The following NIN variants were observed in gnomAD, a reference collection of about 807,000 sequenced individuals.
NIN encodes glycogen synthase kinase 3 beta-interacting protein.
Under a neutral mutation model 257.6 loss-of-function variants are expected in NIN, and 137 were observed. That is an observed-to-expected ratio of 0.53 (90% CI 0.46 to 0.61). The LOEUF is 0.61. Among genes scored for constraint, NIN ranks in the 20% least tolerant of loss-of-function variants. The pLI is 0.00. For missense variants in NIN, 2,439 were observed against 2,501.2 expected, an observed-to-expected ratio of 0.98 and a Z score of 0.53; for synonymous variants, 918 against 919.8, an observed-to-expected ratio of 1.00 and a Z score of 0.04.
At chr14:50,819,590 A>G (rs1238766431) in intron 3 of NIN, among the ~76,000 whole-genome samples, 3 of 151,934 alleles carry the variant, frequency 2.0e-5, no homozygotes, top group African/African-American at 7.3e-5. Context: ...AGTCACTTAA[A>G]CCTCTTTTTC....
At chr14:50,735,702 G>T in intron 27 of NIN, 85 bp from the exon 28 acceptor site, 1 of 1,459,218 alleles carries the variant, frequency 6.9e-7, no homozygotes, top group South Asian at 1.4e-5. Flanking sequence ...ATCTGTGCTT[G>T]TCAGAAATCT....
At chr14:50,730,398 G>A (rs2040632253) in intron 28 of NIN, among the ~76,000 whole-genome samples, 1 of 152,176 alleles carries the variant, frequency 6.6e-6, no homozygotes, top group Non-Finnish European at 1.5e-5. Context: ...AGGAAAGGGA[G>A]GACGATGCAC....
Position 50,743,495 on chromosome 14 carries a change from G to A in NIN, c.5222C>T (p.Ala1741Val), listed in dbSNP as rs762668291. Reference sequence around the variant, plus strand: ...GGATTTCTGTTCCTGCTTCATCGTCGCAATTCTATGCTCTAAAAGACTTGA... The same window carrying A: ...GGATTTCTGTTCCTGCTTCATCGTCACAATTCTATGCTCTAAAAGACTTGA... ...AKSSLLEHRI[A>V]TMKQEQKSWE... The change falls in exon 24 of 31, where the codon GCG becomes GTG. Residue 1741 changes from alanine (A) to valine (V), a missense_variant. This residue lies in a region of NIN where 2,043 missense variants were observed against 2,050.2 expected (regional missense o/e 1.00). Transcript: ENST00000530997. 19 of 1,613,350 alleles carry A rather than the reference G, an allele frequency of 1.2e-5. No individual in the cohort carries two copies. The highest frequency in any genetic ancestry group is 1.7e-4 in the Middle Eastern group (1 of 6,052).
intron 4 of NIN, among the ~76,000 whole-genome samples, chr14:50,800,511 C>T (rs1192842482): frequency 6.6e-6 from 1 of 152,154 alleles, no homozygotes; most frequent in East Asian, 1.9e-4. Context: ...TTTTTCACTA[C>T]TTTAAATGAC....
At chr14:50,826,258 C>G (rs1325826956) in intron 2 of NIN, among the ~76,000 whole-genome samples, 2 of 152,172 alleles carry the variant, frequency 1.3e-5, no homozygotes, top group African/African-American at 4.8e-5. Flanking sequence ...TAAACCTGGG[C>G]CTCTCCTCAC....
chr14:50,782,540 A>G (rs2043176204), intron 5 of NIN, among the ~76,000 whole-genome samples: 2 of 152,244 alleles, frequency 1.3e-5, no homozygotes, highest in Admixed American at 1.3e-4. Context: ...ACCAGCAAAA[A>G]TATTTATACA....
chr14:50,811,951 G>A (rs975721698), intron 3 of NIN, among the ~76,000 whole-genome samples: 7 of 61,424 alleles, frequency 1.1e-4, no homozygotes, highest in East Asian at 6.5e-4. Context: ...CCAAGACTCC[G>A]TCTCCAAAAA....
intron 21 of NIN, among the ~76,000 whole-genome samples, chr14:50,751,998 C>T (rs1410772243): frequency 6.6e-6 from 1 of 152,120 alleles, no homozygotes; most frequent in East Asian, 1.9e-4. Flanking sequence ...CAGCTGTCTT[C>T]TAACTTTGTT....
At chr14:50,742,602 G>T (rs2041342957) in intron 24 of NIN, among the ~76,000 whole-genome samples, 1 of 151,990 alleles carries the variant, frequency 6.6e-6, no homozygotes, top group African/African-American at 2.4e-5. Flanking sequence ...CACTGTGTTA[G>T]CCAGGATGGT....
At chr14:50,789,899 G>A (rs1244486192) in intron 5 of NIN, among the ~76,000 whole-genome samples, 2 of 152,210 alleles carry the variant, frequency 1.3e-5, no homozygotes, top group African/African-American at 4.8e-5. Flanking sequence ...ATAACAGTAA[G>A]TAACAAGACT....
At chr14:50,825,943 T>C (rs946369409) in intron 2 of NIN, among the ~76,000 whole-genome samples, 2 of 152,252 alleles carry the variant, frequency 1.3e-5, no homozygotes, top group Non-Finnish European at 2.9e-5. Context: ...TTCCCTTTTT[T>C]TTCTAAAGCA....
chr14:50,775,606 G>A (rs1218691627), intron 7 of NIN, among the ~76,000 whole-genome samples: 1 of 152,134 alleles, frequency 6.6e-6, no homozygotes, highest in Non-Finnish European at 1.5e-5. Context: ...TATATTCTAT[G>A]AGCAATCCTC....
intron 4 of NIN, among the ~76,000 whole-genome samples, chr14:50,802,867 G>A (rs1183032942): frequency 2.6e-5 from 4 of 152,142 alleles, no homozygotes; most frequent in African/African-American, 9.7e-5. Flanking sequence ...CTATATTATA[G>A]TCTGGTGCAA....
At position 50,777,084 on chromosome 14, in the gene NIN, G is replaced by A. The variant is rs1288112787; in HGVS notation, c.531C>T (p.Ser177=). The change falls in exon 7 of 31, where the codon TCC becomes TCT. Residue 177 remains serine (S), a synonymous_variant. Transcript: ENST00000530997. ...TCTCTTCTATCCAGTCTTGGGGAGG[G>A]GAAGATCCACTCTGTGAAGCATTCA... ...DDLNASQSGS[S]PPQDWIEEKL... The A allele has an allele frequency of 3.1e-6, 5 of 1,613,898 alleles. No individual in the cohort carries two copies. In the Admixed American group the frequency reaches 8.3e-5, roughly 27 times the overall value.
chr14:50,747,907 A>G (rs1198816113), intron 22 of NIN, 85 bp downstream of exon 22: 7 of 892,570 alleles, frequency 7.8e-6, no homozygotes, highest in East Asian at 4.9e-5. Context: ...ACAAAGGACA[A>G]CTGGTGGTTA....
rs61744312 is a variant in NIN, at chr14:50,729,698, G to A, written c.5903C>T (p.Thr1968Met). 5,176 of 1,609,906 alleles carry A rather than the reference G, an allele frequency of 3.2e-3. 36 individuals carry two copies. The highest frequency in any genetic ancestry group is 0.021 in the African/African-American group (1,584 of 74,986). The part of the protein sequence containing the change: ...MEMQHLRSTA[T>M]PSPSPHAWDL... Reference sequence around the variant, plus strand: ...CCAAGCATGAGGGGACGGGCTAGGCGTCGCAGTGGACCTCAGGTGCTGCAT... The same window carrying A: ...CCAAGCATGAGGGGACGGGCTAGGCATCGCAGTGGACCTCAGGTGCTGCAT... Residue 1968 changes from threonine to methionine, a missense_variant, in exon 29 of 31, where the codon ACG (threonine) becomes ATG (methionine). This residue lies in a region of NIN where 2,043 missense variants were observed against 2,050.2 expected (regional missense o/e 1.00). Coordinates refer to ENST00000530997, the MANE Select transcript of NIN (RefSeq NM_020921.4).
chr14:50,771,233 T>C (rs1453100083), intron 10 of NIN, 99 bp downstream of exon 10: 3 of 1,408,670 alleles, frequency 2.1e-6, no homozygotes, highest in African/African-American at 2.9e-5. Context: ...TGAGCAACAT[T>C]TGCATACAGA....
chr14:50,806,544 G>C, intron 4 of NIN, 193 bp downstream of exon 4: 1 of 487,508 alleles, frequency 2.1e-6, no homozygotes, highest in Non-Finnish European at 3.6e-6. Flanking sequence ...TGCTGTAGTA[G>C]AGAAGTCTCA....
At chr14:50,784,788 T>C (rs1341278761) in intron 5 of NIN, among the ~76,000 whole-genome samples, 1 of 152,228 alleles carries the variant, frequency 6.6e-6, no homozygotes, top group Non-Finnish European at 1.5e-5. Context: ...ATGAGCATGA[T>C]GATTGTGATG....
Sources: allele counts gnomAD v4.1 joint callset (sites outside exome capture counted in the v4.1 genomes callset), GRCh38; gene constraint gnomAD v4.1.1; regional missense constraint gnomAD v4.1.1; transcripts MANE v1.5; gene names NCBI Gene and HGNC (gene_info 2026-07-23, HGNC 2026-07-21).